ZNF710: variants seen among roughly 807,000 people sequenced by gnomAD.
The protein encoded by ZNF710 is zinc finger protein 710.
Under a neutral mutation model 50.6 loss-of-function variants are expected in ZNF710, and 13 were observed. That is an observed-to-expected ratio of 0.26 (90% CI 0.17 to 0.41). ZNF710 has a LOEUF of 0.41. Ranked by LOEUF, ZNF710 falls within the 10% of genes least tolerant of loss-of-function variation. The probability of loss-of-function intolerance (pLI) is 1.00; values close to 1 mark genes in which losing one functional copy is unlikely to be tolerated. For synonymous variants in ZNF710, 383 were observed against 397.0 expected, an observed-to-expected ratio of 0.96 and a Z score of 0.42; for missense variants, 721 against 936.6, an observed-to-expected ratio of 0.77 and a Z score of 3.01.
upstream of ZNF710, among the ~76,000 whole-genome samples, chr15:89,998,907 T>C (rs923383681): frequency 1.3e-5 from 2 of 152,246 alleles, no homozygotes; most frequent in Admixed American, 1.3e-4. Flanking sequence ...GAAGTTATGT[T>C]ATTCATTTAC....
intron 1 of ZNF710, among the ~76,000 whole-genome samples, chr15:90,055,939 A>AC (rs1236982801): frequency 6.6e-6 from 1 of 151,468 alleles, no homozygotes; most frequent in African/African-American, 2.4e-5. Context: ...ACATGGTGAA[A>AC]CCCCGTCTCT....
intron 1 of ZNF710, among the ~76,000 whole-genome samples, chr15:90,005,082 C>T (rs140342520): frequency 2.1e-3 from 323 of 152,310 alleles, no homozygotes; most frequent in African/African-American, 7.4e-3. Flanking sequence ...AGTGTAAGGA[C>T]CCAAGACCTG....
chr15:90,081,477 C>T lies in ZNF710; in HGVS notation c.*1648C>T, dbSNP rs1430654878. The T allele has an allele frequency of 6.6e-6, 1 of 152,224 alleles. No homozygotes were observed. Among genetic ancestry groups the T allele is most frequent in the Admixed American group, 6.5e-5 (1 of 15,278 alleles). The allele number at this position is 152,224 out of a possible 1,614,324, so 9.4% of individuals were successfully genotyped here. The stretch of plus-strand genomic sequence containing the variant: ...AACCAATCTGCAGCGCAGCCACCCC[C>T]AAGGCTGGATCCTTAAGTGAAGGAC... On this transcript the variant is annotated 3_prime_UTR_variant, in exon 5 of 5. Transcript: ENST00000268154.
intron 1 of ZNF710, among the ~76,000 whole-genome samples, chr15:90,019,958 C>T (rs888945397): frequency 2.0e-5 from 3 of 152,046 alleles, no homozygotes; most frequent in Non-Finnish European, 2.9e-5. Flanking sequence ...TATTGGGGGG[C>T]GGTGAGTGGG....
At chr15:90,043,091 G>T (rs1899349405) in intron 1 of ZNF710, among the ~76,000 whole-genome samples, 1 of 152,238 alleles carries the variant, frequency 6.6e-6, no homozygotes, top group Non-Finnish European at 1.5e-5. Context: ...GGCTGACTCA[G>T]AATGCCCTTC....
chr15:90,073,278 GC>G lies in ZNF710; in HGVS notation c.1650+20del. On this transcript the variant is annotated intron_variant, in intron 3 of 4. Transcript: ENST00000268154. ...CAAATGCAAGGTACCCGGTCATCAG[GC>G]CCCGGGGCTGGGACCTCCCCGAGGG... 6.2e-7 allele frequency: 1 copy of G among 1,607,520 alleles called. No homozygotes were observed. Among genetic ancestry groups the G allele is most frequent in the Non-Finnish European group, 8.5e-7 (1 of 1,174,790 alleles).
Position 90,074,429 on chromosome 15 carries a change from G to T in ZNF710, c.1825+139G>T, listed in dbSNP as rs187372631. On this transcript the variant is annotated intron_variant, in intron 4 of 4. Coordinates refer to ENST00000268154, the MANE Select transcript of ZNF710 (RefSeq NM_198526.4). ...GGGTGGGCTCAGGTCTGGAAGGGGGGTACCCTGGAAGGCCATGATGACAAT... is the reference window on the plus strand; with the variant it reads ...GGGTGGGCTCAGGTCTGGAAGGGGGTTACCCTGGAAGGCCATGATGACAAT... 2.5e-5 allele frequency: 38 copies of T among 1,543,508 alleles called. No homozygotes were observed. The Admixed American group carries it at 5.4e-4, about 22-fold the overall frequency.
chr15:90,068,695 C>T lies in ZNF710; in HGVS notation c.1458+100C>T, dbSNP rs1189613248. 1.5e-6 allele frequency: 2 copies of T among 1,303,024 alleles called. No homozygotes were observed. Among genetic ancestry groups the T allele is most frequent in the Middle Eastern group, 2.6e-4 (1 of 3,890 alleles). The allele number at this position is 1,303,024 out of a possible 1,614,324, so 80.7% of individuals were successfully genotyped here. A position where few individuals can be genotyped will look rare whatever the true frequency, so the allele number is the denominator to read the frequency against. ...CAGATGGGACCATTTAGGTGGTCTC[C>T]TAGTTTTATCGTTACGTACTTATTT... is the stretch of plus-strand genomic sequence containing the variant. On this transcript the variant is annotated intron_variant, in intron 2 of 4. Transcript: ENST00000268154. The surrounding 1 kb of genome is among the most constrained non-coding windows in gnomAD (Gnocchi z 5.0).
intron 1 of ZNF710, among the ~76,000 whole-genome samples, chr15:90,043,416 G>A (rs1409007790): frequency 6.6e-6 from 1 of 152,252 alleles, no homozygotes; most frequent in Non-Finnish European, 1.5e-5. Context: ...GCCAGGGCAG[G>A]GAGCAGCCGA....
chr15:90,000,995 A>AG (rs1363634631), upstream of ZNF710, among the ~76,000 whole-genome samples: 4 of 152,164 alleles, frequency 2.6e-5, no homozygotes, highest in East Asian at 3.9e-4. Flanking sequence ...AGAAAAAAAA[A>AG]AGAGAGAGAG....
intron 1 of ZNF710, among the ~76,000 whole-genome samples, chr15:90,058,119 G>C (rs1899883370): frequency 6.6e-6 from 1 of 152,188 alleles, no homozygotes; most frequent in African/African-American, 2.4e-5. Context: ...TGGATCAAGA[G>C]AGCGAGGGTT....
intron 1 of ZNF710, among the ~76,000 whole-genome samples, chr15:90,017,650 T>C (rs11629802): frequency 0.48 from 72,292 of 151,446 alleles, 18,287 homozygotes; most frequent in Non-Finnish European, 0.57. Context: ...TAATGACCCA[T>C]CCTGTCCACT....
chr15:90,017,282 G>A (rs1898481751), intron 1 of ZNF710, among the ~76,000 whole-genome samples: 1 of 152,192 alleles, frequency 6.6e-6, no homozygotes, highest in Non-Finnish European at 1.5e-5. Context: ...CACCTGTGCT[G>A]TTTTTCAAAG....
intron 1 of ZNF710, among the ~76,000 whole-genome samples, chr15:90,060,561 A>G (rs1003667874): frequency 5.3e-5 from 8 of 151,958 alleles, no homozygotes; most frequent in African/African-American, 1.9e-4. Flanking sequence ...TCTTAAAAAA[A>G]TAAAAAGTCA....
chr15:89,998,629 TC>T (rs1897962323), upstream of ZNF710, among the ~76,000 whole-genome samples: 1 of 152,186 alleles, frequency 6.6e-6, no homozygotes, highest in Non-Finnish European at 1.5e-5. Flanking sequence ...ACCCAGTCAC[TC>T]CCTGATTTGT....
intron 1 of ZNF710, among the ~76,000 whole-genome samples, chr15:90,052,551 G>A (rs1899678006): frequency 6.6e-6 from 1 of 152,172 alleles, no homozygotes; most frequent in African/African-American, 2.4e-5. Context: ...CTCCAATCCT[G>A]CCTTTATCTC....
chr15:90,033,731 T>C (rs1166840191), intron 1 of ZNF710, among the ~76,000 whole-genome samples: 1 of 152,114 alleles, frequency 6.6e-6, no homozygotes, highest in Non-Finnish European at 1.5e-5. Flanking sequence ...GCTTGTCCCA[T>C]AGACTTGGTT....
intron 1 of ZNF710, among the ~76,000 whole-genome samples, chr15:90,019,064 C>T (rs552164377): frequency 1.3e-5 from 2 of 149,466 alleles, no homozygotes; most frequent in African/African-American, 4.9e-5. Context: ...TATAAGTAGG[C>T]AAAAAAGATA....
At chr15:90,047,404 G>A (rs926792808) in intron 1 of ZNF710, among the ~76,000 whole-genome samples, 6 of 152,168 alleles carry the variant, frequency 3.9e-5, no homozygotes, top group African/African-American at 1.2e-4. Context: ...CATGCCATTG[G>A]GAAGTAGCAG....
Sources: allele counts gnomAD v4.1 joint callset (sites outside exome capture counted in the v4.1 genomes callset), GRCh38; gene constraint gnomAD v4.1.1; non-coding constraint Gnocchi (gnomAD v3.1); transcripts MANE v1.5; gene names NCBI Gene and HGNC (gene_info 2026-07-23, HGNC 2026-07-21).